Variants in GAB2 observed in about 807,000 individuals in gnomAD.
GAB2 encodes the protein GRB2 associated binding protein 2.
A neutral mutation model predicts 65.5 loss-of-function variants in GAB2; 26 were observed. The ratio of observed to expected loss-of-function variants is 0.40; its 90% CI spans 0.29 to 0.55. The LOEUF (loss-of-function observed/expected upper bound fraction) is 0.55, where lower values mean the gene tolerates loss of function less well. Ranked by LOEUF, GAB2 falls within the 20% of genes least tolerant of loss-of-function variation. The pLI is 0.53. For missense variants in GAB2, 884 were observed against 875.8 expected, an observed-to-expected ratio of 1.01 and a Z score of -0.12; for synonymous variants, 321 against 329.6, an observed-to-expected ratio of 0.97 and a Z score of 0.28.
chr11:78,337,690 G>A (rs1856025144), intron 1 of GAB2, among the ~76,000 whole-genome samples: 2 of 152,300 alleles, frequency 1.3e-5, no homozygotes, highest in South Asian at 2.1e-4. Flanking sequence ...AGTAGAAAAT[G>A]TTTTGTCAAT....
chr11:78,292,125 G>A (rs1436681648), intron 1 of GAB2, among the ~76,000 whole-genome samples: 3 of 152,038 alleles, frequency 2.0e-5, no homozygotes, highest in Non-Finnish European at 2.9e-5. Context: ...TCATATACCC[G>A]CCTAACAGGT....
chr11:78,340,374 T>G (rs1856071465), intron 1 of GAB2, among the ~76,000 whole-genome samples: 1 of 152,180 alleles, frequency 6.6e-6, no homozygotes, highest in African/African-American at 2.4e-5. Context: ...GAATCAATGA[T>G]GTTGCCCTAA....
intron 1 of GAB2, among the ~76,000 whole-genome samples, chr11:78,359,214 A>T (rs1041999099): frequency 6.6e-6 from 1 of 152,218 alleles, no homozygotes; most frequent in Non-Finnish European, 1.5e-5. Flanking sequence ...TGTTTTCAGA[A>T]CCATTGAAAG....
chr11:78,362,988 A>G (rs1331887976), intron 1 of GAB2, among the ~76,000 whole-genome samples: 7 of 152,332 alleles, frequency 4.6e-5, no homozygotes, highest in East Asian at 1.9e-4. Flanking sequence ...TGCCATTACT[A>G]TAAGTAGAAA....
chr11:78,271,522 G>A (rs1244174350), intron 2 of GAB2, among the ~76,000 whole-genome samples: 2 of 152,138 alleles, frequency 1.3e-5, no homozygotes, highest in African/African-American at 2.4e-5. Flanking sequence ...TCTTGAACCT[G>A]CAGGTTTTAT....
chr11:78,383,453 G>T (rs1042193547), intron 1 of GAB2, among the ~76,000 whole-genome samples: 4 of 149,070 alleles, frequency 2.7e-5, no homozygotes, highest in Admixed American at 2.0e-4. Context: ...TTTTTAAGAC[G>T]TGGGGTCTCA....
chr11:78,310,064 G>A (rs898091054), intron 1 of GAB2, among the ~76,000 whole-genome samples: 7 of 151,778 alleles, frequency 4.6e-5, no homozygotes, highest in Non-Finnish European at 8.8e-5. Context: ...CAGAGGACAG[G>A]TATATTAACC....
intron 1 of GAB2, among the ~76,000 whole-genome samples, chr11:78,316,606 A>G (rs956419498): frequency 6.6e-6 from 1 of 152,182 alleles, no homozygotes; most frequent in African/African-American, 2.4e-5. Context: ...CCTTGCACCT[A>G]TTAATATGGC....
At chr11:78,384,562 C>T (rs1329085427) in intron 1 of GAB2, among the ~76,000 whole-genome samples, 5 of 152,210 alleles carry the variant, frequency 3.3e-5, no homozygotes, top group Non-Finnish European at 7.3e-5. Context: ...GCTTGCCAAA[C>T]AGGCCCTGGT....
chr11:78,333,954 T>A (rs746678311), intron 1 of GAB2, among the ~76,000 whole-genome samples: 1 of 152,172 alleles, frequency 6.6e-6, no homozygotes. Context: ...ATTTCTCTCA[T>A]TGTACCAAGT....
intron 2 of GAB2, among the ~76,000 whole-genome samples, chr11:78,268,016 T>C (rs1234135070): frequency 6.6e-6 from 1 of 152,150 alleles, no homozygotes; most frequent in Admixed American, 6.5e-5. Flanking sequence ...GGTCCCTGTT[T>C]TGAAACATCT....
intron 1 of GAB2, among the ~76,000 whole-genome samples, chr11:78,361,835 T>C (rs188639648): frequency 5.9e-5 from 9 of 152,194 alleles, no homozygotes; most frequent in African/African-American, 2.2e-4. Context: ...TAAGAGTATA[T>C]ATCCTTTAAC....
At chr11:78,413,573 G>A (rs182508186) in intron 1 of GAB2, among the ~76,000 whole-genome samples, 32 of 152,238 alleles carry the variant, frequency 2.1e-4, no homozygotes, top group Middle Eastern at 3.4e-3. Context: ...CACTGGAGCC[G>A]ACTGAGAAGA....
intron 1 of GAB2, among the ~76,000 whole-genome samples, chr11:78,364,786 A>T (rs1447698684): frequency 6.6e-6 from 1 of 152,206 alleles, no homozygotes; most frequent in Non-Finnish European, 1.5e-5. Context: ...TTTTCCCCAA[A>T]CTATACATAT....
intron 3 of GAB2, among the ~76,000 whole-genome samples, chr11:78,234,495 T>C (rs959993077): frequency 4.0e-5 from 6 of 151,700 alleles, no homozygotes; most frequent in Admixed American, 6.6e-5. Flanking sequence ...CCTATATGAA[T>C]GTCAAGCTGT....
chr11:78,221,566 ACAAGGAGTC>A lies in GAB2; in HGVS notation c.1761+102_1761+110del, dbSNP rs1864424090. The A allele has an allele frequency of 3.1e-5, 18 of 587,230 alleles. No homozygotes were observed. In the South Asian group the frequency reaches 4.3e-4, roughly 14 times the overall value. The allele number at this position is 587,230 out of a possible 1,614,324, so 36.4% of individuals were successfully genotyped here. On this transcript the variant is annotated intron_variant, in intron 8 of 9. Coordinates refer to ENST00000361507, the MANE Select transcript of GAB2 (RefSeq NM_080491.3). Reference sequence around the variant, plus strand: ...AGCAGGAGACTAAATCATGAATAATACAAGGAGTCCCTGGGCTGAGGTGAGTTAGCTAAG... The same window carrying A: ...AGCAGGAGACTAAATCATGAATAATACCTGGGCTGAGGTGAGTTAGCTAAG...
intron 1 of GAB2, among the ~76,000 whole-genome samples, chr11:78,389,560 G>A (rs967652983): frequency 3.3e-5 from 5 of 152,118 alleles, no homozygotes; most frequent in East Asian, 1.9e-4. Context: ...CACCCACCTC[G>A]GCTTCCCAAA....
intron 4 of GAB2, among the ~76,000 whole-genome samples, chr11:78,225,538 T>G (rs753987041): frequency 9.2e-5 from 14 of 152,234 alleles, no homozygotes; most frequent in Non-Finnish European, 1.9e-4. Flanking sequence ...ATACTTGTCC[T>G]GATTTATATG....
At chr11:78,356,406 T>C (rs910822732) in intron 1 of GAB2, among the ~76,000 whole-genome samples, 1 of 152,194 alleles carries the variant, frequency 6.6e-6, no homozygotes, top group Non-Finnish European at 1.5e-5. Context: ...TAAGGTTTTC[T>C]CACATGCAAG....
Sources: gnomAD v4.1 joint callset for allele counts (sites outside exome capture counted in the v4.1 genomes callset) on GRCh38, gnomAD v4.1.1 for gene constraint, MANE v1.5 for transcripts, NCBI Gene and HGNC (gene_info 2026-07-23, HGNC 2026-07-21) for gene names.